Variants in CACNA1D observed in about 807,000 individuals in gnomAD.
CACNA1D encodes the protein calcium voltage-gated channel subunit alpha1 D, also known as voltage-dependent L-type calcium channel subunit alpha-1D.
CACNA1D carries 55 observed loss-of-function variants against 257.1 expected under a neutral mutation model. That is an observed-to-expected ratio of 0.21 (90% CI 0.17 to 0.27). The LOEUF is 0.27. CACNA1D is among the 10% of genes least tolerant of loss of function. The pLI, the probability that CACNA1D is intolerant of heterozygous loss-of-function variation, is 1.00. For missense variants in CACNA1D, 1,876 were observed against 2,784.0 expected, an observed-to-expected ratio of 0.67 and a Z score of 7.34; for synonymous variants, 980 against 1,014.9, an observed-to-expected ratio of 0.97 and a Z score of 0.65.
intron 4 of CACNA1D, among the ~76,000 whole-genome samples, chr3:53,653,975 C>G (rs1200071153): frequency 6.6e-6 from 1 of 152,174 alleles, no homozygotes; most frequent in Admixed American, 6.5e-5. Context: ...TTGTCAACAA[C>G]TATGCAAGCC....
intron 3 of CACNA1D, among the ~76,000 whole-genome samples, chr3:53,583,773 A>G (rs1490575927): frequency 6.6e-6 from 1 of 152,256 alleles, no homozygotes; most frequent in Non-Finnish European, 1.5e-5. Context: ...CTGGCCCATC[A>G]GAGAGCTGTA....
intron 3 of CACNA1D, among the ~76,000 whole-genome samples, 170 bp downstream of exon 3, chr3:53,501,890 T>A (rs565939507): frequency 6.6e-6 from 1 of 152,308 alleles, no homozygotes; most frequent in Admixed American, 6.5e-5. Context: ...TAACCTGTAT[T>A]CTCAAATTTA....
intron 3 of CACNA1D, among the ~76,000 whole-genome samples, chr3:53,513,004 C>T (rs1210274057): frequency 6.6e-6 from 1 of 152,184 alleles, no homozygotes; most frequent in Non-Finnish European, 1.5e-5. Context: ...GGGCACAGGC[C>T]AGCGGATGTA....
chr3:53,698,265 C>T (rs571749903), intron 8 of CACNA1D, among the ~76,000 whole-genome samples: 3 of 152,338 alleles, frequency 2.0e-5, no homozygotes, highest in South Asian at 2.1e-4. Flanking sequence ...CCTTCCACAG[C>T]GAGAACTCTG....
At chr3:53,787,528 A>G (rs2095461754) in intron 40 of CACNA1D, among the ~76,000 whole-genome samples, 1 of 151,226 alleles carries the variant, frequency 6.6e-6, no homozygotes, top group South Asian at 2.1e-4. Context: ...TGCACATGCT[A>G]TGCTCTCATG....
At chr3:53,590,021 A>C (rs927658786) in intron 3 of CACNA1D, among the ~76,000 whole-genome samples, 9 of 152,170 alleles carry the variant, frequency 5.9e-5, no homozygotes, top group African/African-American at 1.9e-4. Flanking sequence ...TCCTTGGCCA[A>C]CTTAGATGCT....
chr3:53,702,968 G>A lies in CACNA1D; in HGVS notation c.1390+158G>A, dbSNP rs13326101. Among the ~76,000 whole-genome samples, 1,577 of 152,280 alleles carry A rather than the reference G, an allele frequency of 0.01. 31 individuals are homozygous for A. The highest frequency in any genetic ancestry group is 0.036 in the African/African-American group (1,504 of 41,550). ...CCTGCACACATCACGGAGAGAACAG[G>A]TGCATTGGTGCTGACTCTGGATTTC... On this transcript the variant is annotated intron_variant, in intron 9 of 47. Coordinates refer to ENST00000350061, the MANE Select transcript of CACNA1D (RefSeq NM_001128840.3).
At position 53,673,832 on chromosome 3, in the gene CACNA1D, C is replaced by T. The variant is rs779434635; in HGVS notation, c.1220+706C>T. ...TCCTTAGTGGGTAAGCAGTCGGATC[C>T]GTGTTGCACCTTCTCCTGCTGCCAC... On this transcript the variant is annotated intron_variant, in intron 8 of 47. Transcript: ENST00000350061. The surrounding 1 kb of genome is among the most constrained non-coding windows in gnomAD (Gnocchi z 4.1). The T allele has an allele frequency of 9.2e-6, 14 of 1,515,270 alleles. No homozygotes were observed. The highest frequency in any genetic ancestry group is 1.2e-5 in the Non-Finnish European group (13 of 1,089,950). The allele number at this position is 1,515,270 out of a possible 1,614,324, so 93.9% of individuals were successfully genotyped here. A position where few individuals can be genotyped will look rare whatever the true frequency, so the allele number is the denominator to read the frequency against.
intron 45 of CACNA1D, chr3:53,808,048 G>GC (rs1208150476): frequency 6.5e-6 from 1 of 154,910 alleles, no homozygotes; most frequent in African/African-American, 2.4e-5. Context: ...TTCTTGCACT[G>GC]AAGTGCTGTG....
Position 53,731,447 on chromosome 3 carries a change from A to C in CACNA1D, c.2406+301A>C, listed in dbSNP as rs183728998. On this transcript the variant is annotated intron_variant, in intron 17 of 47. Transcript: ENST00000350061. ...TCAGCCCTGACCCGTGGTCAGGATCACGTTAGCATCTTCTGAGTGGGTATG... is the reference window on the plus strand; with the variant it reads ...TCAGCCCTGACCCGTGGTCAGGATCCCGTTAGCATCTTCTGAGTGGGTATG... Among the ~76,000 whole-genome samples the C allele has an allele frequency of 3.6e-3, 556 of 152,364 alleles. 3 individuals carry two copies. The highest frequency in any genetic ancestry group is 0.013 in the African/African-American group (533 of 41,590).
At chr3:53,761,922 A>G (rs989996187) in intron 29 of CACNA1D, 76 bp from the exon 30 acceptor site, 249 of 1,030,168 alleles carry the variant, frequency 2.4e-4, no homozygotes, top group Non-Finnish European at 3.1e-4. Context: ...AGGGACTCGG[A>G]TTCGCCCCTA....
intron 3 of CACNA1D, among the ~76,000 whole-genome samples, chr3:53,623,204 G>C (rs1187676767): frequency 2.6e-5 from 4 of 152,220 alleles, no homozygotes; most frequent in Admixed American, 2.0e-4. Context: ...AGCCTTAAAA[G>C]AGAAAGCGCG....
intron 3 of CACNA1D, among the ~76,000 whole-genome samples, chr3:53,594,766 G>A (rs560201201): frequency 1.3e-4 from 20 of 152,344 alleles, no homozygotes; most frequent in African/African-American, 3.4e-4. Context: ...CCTTTCTCAC[G>A]TTAGTACAAT....
chr3:53,503,964 C>G (rs979557923), intron 3 of CACNA1D, among the ~76,000 whole-genome samples: 1 of 151,940 alleles, frequency 6.6e-6, no homozygotes, highest in Non-Finnish European at 1.5e-5. Context: ...TCCTTTCCCA[C>G]TGTGGGAAGG....
At chr3:53,647,681 C>T (rs555329010) in intron 3 of CACNA1D, among the ~76,000 whole-genome samples, 8 of 152,306 alleles carry the variant, frequency 5.3e-5, no homozygotes, top group Middle Eastern at 6.8e-3. Context: ...TTCTCCTGAA[C>T]GACGTTTTGC....
intron 3 of CACNA1D, among the ~76,000 whole-genome samples, chr3:53,576,730 T>G (rs2093045036): frequency 6.6e-6 from 1 of 152,262 alleles, no homozygotes; most frequent in Non-Finnish European, 1.5e-5. Flanking sequence ...TGTTACCATC[T>G]GGTGGAACGT....
At chr3:53,689,708 C>T (rs1451163930) in intron 8 of CACNA1D, among the ~76,000 whole-genome samples, 1 of 152,118 alleles carries the variant, frequency 6.6e-6, no homozygotes, top group East Asian at 1.9e-4. Flanking sequence ...ACCCAGGCAG[C>T]AGTGCAATGG....
intron 3 of CACNA1D, among the ~76,000 whole-genome samples, chr3:53,593,395 A>G (rs1038681607): frequency 4.6e-5 from 7 of 152,200 alleles, no homozygotes; most frequent in African/African-American, 1.2e-4. Flanking sequence ...CCAAATGGTA[A>G]GCAAAAGGAA....
At chr3:53,602,965 T>G (rs565607957) in intron 3 of CACNA1D, among the ~76,000 whole-genome samples, 1 of 152,366 alleles carries the variant, frequency 6.6e-6, no homozygotes, top group Non-Finnish European at 1.5e-5. Flanking sequence ...GCTATTTCTC[T>G]CCAGCGGACG....
Sources: gnomAD v4.1 joint callset for allele counts (sites outside exome capture counted in the v4.1 genomes callset) on GRCh38, gnomAD v4.1.1 for gene constraint, Gnocchi (gnomAD v3.1) non-coding constraint, MANE v1.5 for transcripts, NCBI Gene and HGNC (gene_info 2026-07-23, HGNC 2026-07-21) for gene names.